Variants in NRXN1 observed in about 807,000 individuals in gnomAD.
NRXN1 encodes neurexin 1.
A neutral mutation model predicts 150.9 loss-of-function variants in NRXN1; 39 were observed. That is an observed-to-expected ratio of 0.26 (90% CI 0.20 to 0.34). The LOEUF is 0.34. NRXN1 is among the 10% of genes least tolerant of loss of function. The pLI, the probability that NRXN1 is intolerant of heterozygous loss-of-function variation, is 1.00. For synonymous variants in NRXN1, 924 were observed against 757.0 expected (o/e 1.22, Z -3.62); for missense variants, 1,815 against 1,949.9 (o/e 0.93, Z 1.30).
At chr2:50,073,051 T>C (rs1237283636) in intron 19 of NRXN1, among the ~76,000 whole-genome samples, 1 of 152,210 alleles carries the variant, frequency 6.6e-6, no homozygotes, top group Non-Finnish European at 1.5e-5. Context: ...TGCTCTCTTT[T>C]GATGTTCCTG....
chr2:50,553,037 G>A lies in NRXN1; in HGVS notation c.1321-12C>T. The A allele has an allele frequency of 6.4e-7, 1 of 1,568,222 alleles. No homozygotes were observed. The highest frequency in any genetic ancestry group is 1.2e-5 in the South Asian group (1 of 85,946). On this transcript the variant is annotated splice_polypyrimidine_tract_variant and intron_variant, in intron 8 of 22. Transcript: ENST00000401669. ...TTTTTATATACAACCTGTGGGCAGA[G>A]GATAGCAGTGAGAAACTAGCCTCCA... is the stretch of plus-strand genomic sequence containing the variant.
intron 18 of NRXN1, among the ~76,000 whole-genome samples, chr2:50,129,409 T>A (rs940365164): frequency 1.3e-5 from 2 of 152,188 alleles, no homozygotes; most frequent in East Asian, 3.8e-4. Context: ...TGAAATATGT[T>A]TAAAAGCATA....
chr2:50,164,019 A>G (rs976936601), intron 18 of NRXN1, among the ~76,000 whole-genome samples: 1 of 152,126 alleles, frequency 6.6e-6, no homozygotes, highest in African/African-American at 2.4e-5. Flanking sequence ...GGCCATACTG[A>G]TTTACATTGT....
At chr2:50,659,888 T>C (rs143438871) in intron 5 of NRXN1, among the ~76,000 whole-genome samples, 206 of 152,174 alleles carry the variant, frequency 1.4e-3, no homozygotes, top group African/African-American at 4.8e-3. Flanking sequence ...TCTATTTTAA[T>C]ATGATTAGAG....
At chr2:50,827,014 A>C (rs1670545570) in intron 5 of NRXN1, among the ~76,000 whole-genome samples, 1 of 152,212 alleles carries the variant, frequency 6.6e-6, no homozygotes, top group African/African-American at 2.4e-5. Context: ...GGAGGAGAAC[A>C]TAGCATCATG....
intron 5 of NRXN1, among the ~76,000 whole-genome samples, chr2:50,766,749 G>A (rs189027109): frequency 6.6e-6 from 1 of 151,876 alleles, no homozygotes; most frequent in African/African-American, 2.4e-5. Context: ...TGGCCACCAG[G>A]GAGGGTCAAT....
intron 17 of NRXN1, among the ~76,000 whole-genome samples, chr2:50,253,311 G>A (rs568742109): frequency 3.9e-5 from 6 of 152,250 alleles, no homozygotes; most frequent in African/African-American, 1.4e-4. Flanking sequence ...AAGATTTTGG[G>A]CTGAGACATG....
At chr2:50,365,481 T>A (rs937700797) in intron 17 of NRXN1, among the ~76,000 whole-genome samples, 1 of 152,088 alleles carries the variant, frequency 6.6e-6, no homozygotes, top group African/African-American at 2.4e-5. Flanking sequence ...TTATATGACG[T>A]ATGTTTAAGA....
At chr2:50,283,353 T>G (rs1436971937) in intron 17 of NRXN1, among the ~76,000 whole-genome samples, 1 of 152,224 alleles carries the variant, frequency 6.6e-6, no homozygotes, top group African/African-American at 2.4e-5. Context: ...GTGTTAAAAG[T>G]ATTTTTATGC....
chr2:50,132,710 A>T (rs1006422169), intron 18 of NRXN1, among the ~76,000 whole-genome samples: 1 of 152,040 alleles, frequency 6.6e-6, no homozygotes, highest in Non-Finnish European at 1.5e-5. Flanking sequence ...GTTTCTCTCT[A>T]TTCCTTGGAA....
intron 17 of NRXN1, among the ~76,000 whole-genome samples, chr2:50,367,429 TC>T (rs1231044427): frequency 1.3e-5 from 2 of 151,996 alleles, no homozygotes; most frequent in Non-Finnish European, 2.9e-5. Context: ...TGCCATACAT[TC>T]TTTCATCCAC....
intron 5 of NRXN1, among the ~76,000 whole-genome samples, chr2:50,813,825 G>A (rs1413462062): frequency 6.6e-6 from 1 of 152,106 alleles, no homozygotes; most frequent in Non-Finnish European, 1.5e-5. Flanking sequence ...TGATTAACAT[G>A]GGGCCTTACT....
intron 17 of NRXN1, among the ~76,000 whole-genome samples, chr2:50,292,385 G>T (rs375814736): frequency 1.3e-5 from 2 of 152,068 alleles, no homozygotes; most frequent in African/African-American, 4.8e-5. Context: ...TGGCTCTTTG[G>T]AGAAAAAGTT....
chr2:50,766,418 A>T (rs1302840379), intron 5 of NRXN1, among the ~76,000 whole-genome samples: 1 of 152,026 alleles, frequency 6.6e-6, no homozygotes, highest in Non-Finnish European at 1.5e-5. Flanking sequence ...AAACTCAAAG[A>T]ATCTTCTAAC....
chr2:50,162,538 A>C (rs978720007), intron 18 of NRXN1, among the ~76,000 whole-genome samples: 1 of 152,154 alleles, frequency 6.6e-6, no homozygotes, highest in Non-Finnish European at 1.5e-5. Flanking sequence ...TTTGTGGCAG[A>C]AATGGAACCA....
intron 19 of NRXN1, among the ~76,000 whole-genome samples, chr2:50,072,610 AAAAT>A (rs1366376188): frequency 2.0e-5 from 3 of 149,154 alleles, no homozygotes; most frequent in African/African-American, 7.8e-5. Flanking sequence ...GGCAAAAAAA[AAAAT>A]AAAACAGCAA....
At chr2:50,483,538 A>T (rs2090636966) in intron 15 of NRXN1, among the ~76,000 whole-genome samples, 1 of 152,216 alleles carries the variant, frequency 6.6e-6, no homozygotes, top group East Asian at 1.9e-4. Context: ...ACACTTTCAC[A>T]TCTCTTACTC....
chr2:50,968,596 C>A (rs1694501222), intron 2 of NRXN1, among the ~76,000 whole-genome samples: 1 of 152,044 alleles, frequency 6.6e-6, no homozygotes, highest in African/African-American at 2.4e-5. Context: ...TCTTACAAAT[C>A]ACAAATTATC....
At chr2:50,064,341 T>A (rs1238038875) in intron 19 of NRXN1, among the ~76,000 whole-genome samples, 3 of 152,020 alleles carry the variant, frequency 2.0e-5, no homozygotes, top group Non-Finnish European at 4.4e-5. Flanking sequence ...CTTATTTTTA[T>A]GATTAATTAC....
Sources: allele counts gnomAD v4.1 joint callset (sites outside exome capture counted in the v4.1 genomes callset), GRCh38; gene constraint gnomAD v4.1.1; transcripts MANE v1.5; gene names NCBI Gene and HGNC (gene_info 2026-07-23, HGNC 2026-07-21).